Variants in PLA2G6 observed in about 807,000 individuals in gnomAD.
PLA2G6 encodes phospholipase A2 group VI, also known as 85/88 kDa calcium-independent phospholipase A2.
Under a neutral mutation model 83.8 loss-of-function variants are expected in PLA2G6, and 62 were observed. That is an observed-to-expected ratio of 0.74 (90% confidence interval 0.60 to 0.91). The LOEUF is 0.91. Ranked by LOEUF, PLA2G6 falls within the 40% of genes least tolerant of loss-of-function variation. PLA2G6 has a pLI of 0.00. For missense variants in PLA2G6, 944 were observed against 1,102.0 expected (o/e 0.86, Z 2.03); for synonymous variants, 417 against 449.8 (o/e 0.93, Z 0.92).
intron 2 of PLA2G6, chr22:38,148,848 C>A: frequency 2.1e-5 from 6 of 282,632 alleles, no homozygotes; most frequent in Non-Finnish European, 2.6e-5. Context: ...AAACTAGGCT[C>A]TAGATTATTT....
chr22:38,157,836 ACCAG>A (rs781586973), intron 2 of PLA2G6, among the ~76,000 whole-genome samples: 19 of 152,166 alleles, frequency 1.2e-4, no homozygotes, highest in Non-Finnish European at 2.1e-4. Flanking sequence ...AGGTGTCGAG[ACCAG>A]CCTGGCCAAC....
intron 2 of PLA2G6, chr22:38,148,670 G>A: frequency 1.5e-6 from 1 of 661,618 alleles, no homozygotes; most frequent in Non-Finnish European, 2.8e-6. Flanking sequence ...TTGGGTTAGG[G>A]TCCTAAAGAA....
chr22:38,136,816 G>C (rs1485789615), intron 5 of PLA2G6: 1 of 140,898 alleles, frequency 7.1e-6, no homozygotes, highest in African/African-American at 2.7e-5. Context: ...GGCACTTACT[G>C]ACTGCCTGAC....
At chr22:38,127,938 C>T (rs1374914855) in intron 9 of PLA2G6, among the ~76,000 whole-genome samples, 1 of 152,212 alleles carries the variant, frequency 6.6e-6, no homozygotes, top group Non-Finnish European at 1.5e-5. Flanking sequence ...CCCCCGACAG[C>T]ACTCCTCACT....
chr22:38,139,838 A>G, intron 5 of PLA2G6, 144 bp downstream of exon 5: 1 of 681,480 alleles, frequency 1.5e-6, no homozygotes, highest in Non-Finnish European at 2.6e-6. Flanking sequence ...GCGGGGCCTA[A>G]TGAGGCTTGT....
intron 8 of PLA2G6, among the ~76,000 whole-genome samples, chr22:38,129,243 C>T (rs550773963): frequency 3.9e-5 from 6 of 152,364 alleles, no homozygotes; most frequent in African/African-American, 1.2e-4. Flanking sequence ...GCTGGTATAG[C>T]AAGCCCCGTG....
chr22:38,173,949 G>A (rs765143007), intron 1 of PLA2G6, among the ~76,000 whole-genome samples: 10 of 152,094 alleles, frequency 6.6e-5, no homozygotes, highest in Non-Finnish European at 1.2e-4. Flanking sequence ...CTACTCGGGA[G>A]GCTAAGGCAA....
At chr22:38,151,793 T>A (rs1211889185) in intron 2 of PLA2G6, among the ~76,000 whole-genome samples, 4 of 152,130 alleles carry the variant, frequency 2.6e-5, no homozygotes. Flanking sequence ...GGACCTTGAG[T>A]AAGGCAGAGA....
chr22:38,176,290 A>G (rs544057034), intron 1 of PLA2G6, among the ~76,000 whole-genome samples: 8 of 152,246 alleles, frequency 5.3e-5, no homozygotes, highest in African/African-American at 1.4e-4. Context: ...CTAAGCCGAG[A>G]GCAGAGGAGC....
At chr22:38,176,199 T>TTATA (rs893890983) in intron 1 of PLA2G6, among the ~76,000 whole-genome samples, 3 of 152,082 alleles carry the variant, frequency 2.0e-5, no homozygotes, top group African/African-American at 7.2e-5. Context: ...AAGTTCAGCT[T>TTATA]TATATATAGT....
At chr22:38,168,263 A>G (rs2090298490) in intron 2 of PLA2G6, among the ~76,000 whole-genome samples, 1 of 152,180 alleles carries the variant, frequency 6.6e-6, no homozygotes, top group African/African-American at 2.4e-5. Context: ...TGTTGAATGG[A>G]TGGCTGACAG....
rs927103158 is a variant in PLA2G6 at position 38,128,604 on chromosome 22, G to A, written c.1187-174C>T. On this transcript the variant is annotated intron_variant, in intron 8 of 16. Coordinates refer to ENST00000332509, the MANE Select transcript of PLA2G6 (RefSeq NM_003560.4). This position sits in a 1 kb window ranked among gnomAD's most constrained non-coding sequence, Gnocchi z 4.4. ...TGACAGGGAGTGCTGCCCCCAGGCT[G>A]GTACATCCCAAGCAGCTTCCTAAGG... Among the ~76,000 whole-genome samples, 4 of 152,162 alleles carry A rather than the reference G, an allele frequency of 2.6e-5. No homozygotes were observed. Among genetic ancestry groups the A allele is most frequent in the African/African-American group, 7.2e-5 (3 of 41,438 alleles).
In PLA2G6 at chr22:38,116,156, G is replaced by A. The variant is rs368008077; in HGVS notation, c.1798C>T (p.Arg600Trp). The A allele has an allele frequency of 1.4e-5, 23 of 1,613,640 alleles. No individual in the cohort carries two copies. Among genetic ancestry groups the A allele is most frequent in the East Asian group, 2.2e-5 (1 of 44,894 alleles). The change falls in exon 13 of 17, where the codon CGG (arginine) becomes TGG (tryptophan). Residue 600 changes from arginine to tryptophan, a missense_variant. Coordinates refer to ENST00000332509, the MANE Select transcript of PLA2G6 (RefSeq NM_003560.4). ...ACAGTTTCTGGAGCATCGTAGTTCC[G>A]GAAGAGGTGGAGTTCAGCCGGCTGC... is the stretch of plus-strand genomic sequence containing the variant. Reference protein sequence around the residue: ...DRQPAELHLFRNYDAPETVRE... With the variant: ...DRQPAELHLFWNYDAPETVRE...
chr22:38,144,248 C>T (rs11089869), intron 3 of PLA2G6: 8,259 of 152,528 alleles, frequency 0.054, 762 homozygotes, highest in African/African-American at 0.19. Flanking sequence ...TCCAGAAGAG[C>T]AGCCTGGGCA....
At chr22:38,145,878 TTC>T in intron 2 of PLA2G6, 5 of 552,978 alleles carry the variant, frequency 9.0e-6, no homozygotes, top group Non-Finnish European at 1.3e-5. Context: ...AGGTTAGACT[TTC>T]TTTGTTTTTT....
rs895768126 is a variant in PLA2G6 at position 38,132,480 on chromosome 22, C to T, written c.1077+351G>A. 2.2e-5 allele frequency: 9 copies of T among 413,830 alleles called. No homozygotes were observed. In the East Asian group the frequency reaches 2.5e-4, roughly 11 times the overall value. 25.6% of individuals were successfully genotyped at this position (413,830 alleles called of 1,614,324 possible). On this transcript the variant is annotated intron_variant, in intron 7 of 16. Transcript: ENST00000332509. This position sits in a 1 kb window ranked among gnomAD's most constrained non-coding sequence, Gnocchi z 5.0. ...CAACTCTTCCAGATAAGTATTGACA[C>T]CACCATTTTCCAGATGAGGAAATCG...
In PLA2G6 at chr22:38,126,850, C is replaced by T. The variant is rs185779695; in HGVS notation, c.1349-401G>A. ...CCTGGGGCCTAAGAATTCTTATTCC[C>T]TATTGACAGGTGAGGCTCTAAGAGG... On this transcript the variant is annotated intron_variant, in intron 9 of 16. Transcript: ENST00000332509. 7 of 370,072 alleles carry T rather than the reference C, an allele frequency of 1.9e-5. No individual in the cohort carries two copies. In the Admixed American group the frequency reaches 2.8e-4, roughly 15 times the overall value. 22.9% of individuals were successfully genotyped at this position (370,072 alleles called of 1,614,324 possible).
At chr22:38,158,447 A>AGT (rs2089879708) in intron 2 of PLA2G6, among the ~76,000 whole-genome samples, 1 of 152,232 alleles carries the variant, frequency 6.6e-6, no homozygotes, top group Non-Finnish European at 1.5e-5. Flanking sequence ...CTGGGATTAC[A>AGT]GGCGTGAGCC....
intron 2 of PLA2G6, among the ~76,000 whole-genome samples, chr22:38,151,641 C>G (rs1202582045): frequency 6.6e-5 from 10 of 152,112 alleles, no homozygotes; most frequent in Non-Finnish European, 1.3e-4. Flanking sequence ...GTGGGGGGAT[C>G]TAAATAAGTA....
Sources: allele counts gnomAD v4.1 joint callset (sites outside exome capture counted in the v4.1 genomes callset), GRCh38; gene constraint gnomAD v4.1.1; non-coding constraint Gnocchi (gnomAD v3.1); transcripts MANE v1.5; gene names NCBI Gene and HGNC (gene_info 2026-07-23, HGNC 2026-07-21).